IL25: variants seen among roughly 807,000 people sequenced by gnomAD.
The protein encoded by IL25 is interleukin 25.
A neutral mutation model predicts 13.2 loss-of-function variants in IL25; 10 were observed. That is an observed-to-expected ratio of 0.76 (90% CI 0.47 to 1.29). The LOEUF (loss-of-function observed/expected upper bound fraction) is 1.29, where lower values mean the gene tolerates loss of function less well. IL25 is among the 50% of genes most tolerant of loss of function. The pLI, the probability that IL25 is intolerant of heterozygous loss-of-function variation, is 0.00. For missense variants in IL25, 235 were observed against 232.4 expected, an observed-to-expected ratio of 1.01 and a Z score of -0.07; for synonymous variants, 107 against 92.1, an observed-to-expected ratio of 1.16 and a Z score of -0.93.
exon 1 of IL25, chr14:23,373,035 G>A: frequency 1.9e-6 from 3 of 1,613,992 alleles, no homozygotes; most frequent in Non-Finnish European, 1.7e-6. Flanking sequence ...AGATGCTGCT[G>A]AGGGTGGAGG....
chr14:23,373,067 G>A (rs1399922191), exon 1 of IL25: 1 of 1,613,934 alleles, frequency 6.2e-7, no homozygotes, highest in Non-Finnish European at 8.5e-7. Flanking sequence ...GCCAGGTTTG[G>A]GGCTGGGGGC....
chr14:23,376,226 C>A, exon 2 of IL25: 1 of 283,106 alleles, frequency 3.5e-6, no homozygotes, highest in East Asian at 7.9e-5. Context: ...ATATTTCCCC[C>A]TTGCTGGAGA....
At chr14:23,374,700 T>G (rs1890490903) in intron 1 of IL25, among the ~76,000 whole-genome samples, 1 of 149,490 alleles carries the variant, frequency 6.7e-6, no homozygotes, top group African/African-American at 2.5e-5. Flanking sequence ...CATCTACTTT[T>G]CAGTGTTTTT....
chr14:23,375,774 G>A (rs369056653), exon 2 of IL25: 61 of 1,614,088 alleles, frequency 3.8e-5, no homozygotes, highest in Non-Finnish European at 4.4e-5. Flanking sequence ...TTCTACCGGC[G>A]GCCATGCCAT....
chr14:23,373,113 G>A lies in IL25; in HGVS notation c.-6G>A, dbSNP rs776521164. 4 of 1,614,042 alleles carry A rather than the reference G, an allele frequency of 2.5e-6. No homozygotes were observed. The South Asian group carries it at 3.3e-5, about 13-fold the overall frequency. On this transcript the variant is annotated 5_prime_UTR_variant, in exon 1 of 2. Coordinates refer to ENST00000329715, the Ensembl canonical transcript of IL25. The stretch of plus-strand genomic sequence containing the variant: ...GAGAAACTGGGATCCCAGGGGGAGG[G>A]TGCAGATGAGGGAGCGACCCAGATT...
chr14:23,374,727 TTTC>T (rs200361887), intron 1 of IL25, among the ~76,000 whole-genome samples: 5,971 of 122,932 alleles, frequency 0.049, 337 homozygotes, highest in African/African-American at 0.22. Flanking sequence ...TCTTTCTTTC[TTTC>T]TTTTTTTTTT....
exon 2 of IL25, chr14:23,375,918 T>C (rs1487175593): frequency 1.9e-6 from 3 of 1,600,660 alleles, no homozygotes; most frequent in African/African-American, 1.3e-5. Context: ...TTGGGAAACC[T>C]GGAGCCAGGT....
chr14:23,373,059 C>T (rs1890455272), exon 1 of IL25: 1 of 1,613,942 alleles, frequency 6.2e-7, no homozygotes, highest in Non-Finnish European at 8.5e-7. Flanking sequence ...GCCAAGCTGC[C>T]AGGTTTGGGG....
At chr14:23,373,247 A>G (rs1428840526) in exon 1 of IL25, 2 of 1,614,172 alleles carry the variant, frequency 1.2e-6, no homozygotes, top group East Asian at 4.5e-5. Context: ...GCCCCAGCAA[A>G]GGGCAGGACA....
chr14:23,376,176 C>T, exon 2 of IL25: 1 of 414,464 alleles, frequency 2.4e-6, no homozygotes, highest in Non-Finnish European at 4.3e-6. Flanking sequence ...TCCTCTTTTC[C>T]CATCCCCTGC....
chr14:23,373,117 A>G, exon 1 of IL25: 1 of 1,614,072 alleles, frequency 6.2e-7, no homozygotes, highest in South Asian at 1.1e-5. Flanking sequence ...GGGAGGGTGC[A>G]GATGAGGGAG....
intron 1 of IL25, 52 bp downstream of exon 2, chr14:23,373,448 A>G (rs1330999805): frequency 6.7e-7 from 1 of 1,495,572 alleles, no homozygotes; most frequent in East Asian, 2.3e-5. Context: ...TGGCCAGGGT[A>G]TGCGTGAGGG....
chr14:23,374,591 C>G (rs1890488783), intron 1 of IL25, among the ~76,000 whole-genome samples: 1 of 152,234 alleles, frequency 6.6e-6, no homozygotes, highest in Non-Finnish European at 1.5e-5. Flanking sequence ...AAGTGATGTG[C>G]TAGCTAATTC....
exon 2 of IL25, chr14:23,375,951 G>A: frequency 3.8e-6 from 6 of 1,567,650 alleles, no homozygotes; most frequent in Non-Finnish European, 5.2e-6. Context: ...GCCATGAAGG[G>A]CCAGGATGCC....
chr14:23,372,900 A>G lies in IL25; in HGVS notation c.-219A>G. The G allele has an allele frequency of 1.0e-5, 15 of 1,489,946 alleles. No homozygotes were observed. The South Asian group carries it at 1.7e-4, about 17-fold the overall frequency. 92.3% of individuals were successfully genotyped at this position (1,489,946 alleles called of 1,614,324 possible). A position where few individuals can be genotyped will look rare whatever the true frequency, so the allele number is the denominator to read the frequency against. On this transcript the variant is annotated 5_prime_UTR_variant, in exon 1 of 2. Coordinates refer to ENST00000329715, the Ensembl canonical transcript of IL25. ...AAAATCAGGACTCCTAACCTGCTCC[A>G]GTCAGCCTGCTTCCACGAGGCCTGT...
intron 1 of IL25, among the ~76,000 whole-genome samples, chr14:23,375,366 C>T (rs1890515449): frequency 6.6e-6 from 1 of 152,246 alleles, no homozygotes; most frequent in Non-Finnish European, 1.5e-5. Context: ...CAGGAGCCTG[C>T]TCACCCTCCC....
chr14:23,375,969 T>C, exon 2 of IL25: 1 of 1,529,756 alleles, frequency 6.5e-7, no homozygotes, highest in South Asian at 1.2e-5. Context: ...GCCCAGATGC[T>C]TGGCCCCTGT....
At chr14:23,373,540 G>A in intron 1 of IL25, 144 bp downstream of exon 2, 1 of 687,744 alleles carries the variant, frequency 1.5e-6, no homozygotes, top group South Asian at 1.9e-5. Context: ...GTCTGTATTT[G>A]AGTCCTAGCT....
chr14:23,373,343 G>A (rs201828469), exon 1 of IL25: 148 of 1,613,880 alleles, frequency 9.2e-5, no homozygotes, highest in South Asian at 8.2e-4. Context: ...AGTCCTGTAG[G>A]GCCAGTGAAG....
Sources: gnomAD v4.1 joint callset for allele counts (sites outside exome capture counted in the v4.1 genomes callset) on GRCh38, gnomAD v4.1.1 for gene constraint, MANE v1.5 for transcripts, NCBI Gene and HGNC (gene_info 2026-07-23, HGNC 2026-07-21) for gene names.